NLRP1: variants seen among roughly 807,000 people sequenced by gnomAD.
NLRP1 encodes the protein NACHT, LRR and PYD domains-containing protein 1.
In NLRP1, 94 loss-of-function variants were observed where a neutral mutation model predicts 136.7. The ratio of observed to expected loss-of-function variants is 0.69; its 90% confidence interval spans 0.58 to 0.82. NLRP1 has a LOEUF of 0.82. NLRP1 is among the 40% of genes least tolerant of loss of function. The pLI, the probability that NLRP1 is intolerant of heterozygous loss-of-function variation, is 0.00. For missense variants in NLRP1, 1,575 were observed against 1,802.7 expected, an observed-to-expected ratio of 0.87 and a Z score of 2.29; for synonymous variants, 690 against 725.1, an observed-to-expected ratio of 0.95 and a Z score of 0.78.
chr17:5,512,490 C>T (rs1422196493), downstream of NLRP1: 2 of 680,166 alleles, frequency 2.9e-6, no homozygotes. Flanking sequence ...TTTTCTTTGC[C>T]CCTTGTCTTT....
intron 12 of NLRP1, among the ~76,000 whole-genome samples, chr17:5,529,285 C>CTTT (rs1909927576): frequency 2.7e-5 from 1 of 37,468 alleles, no homozygotes; most frequent in African/African-American, 3.0e-4. Context: ...TATTTTTTTC[C>CTTT]CTTCTATCTT....
chr17:5,545,069 A>T (rs953621708), intron 5 of NLRP1, among the ~76,000 whole-genome samples: 9 of 152,078 alleles, frequency 5.9e-5, no homozygotes, highest in African/African-American at 2.2e-4. Context: ...CTCTCATAAG[A>T]CCTACTTTTC....
downstream of NLRP1, among the ~76,000 whole-genome samples, chr17:5,511,530 A>C (rs1173998028): frequency 6.6e-6 from 1 of 151,172 alleles, no homozygotes; most frequent in Non-Finnish European, 1.5e-5. Context: ...CCTTTCTCCT[A>C]CTCCAAGACT....
chr17:5,552,084 CTTTTTTTTTT>C (rs71151872), intron 5 of NLRP1, among the ~76,000 whole-genome samples: 12 of 96,672 alleles, frequency 1.2e-4, no homozygotes, highest in East Asian at 4.2e-4. Flanking sequence ...TCTATCTTTC[CTTTTTTTTTT>C]TTTTTTTTTT....
At chr17:5,526,225 G>A (rs924781593) in intron 12 of NLRP1, among the ~76,000 whole-genome samples, 6 of 152,078 alleles carry the variant, frequency 3.9e-5, no homozygotes, top group South Asian at 2.1e-4. Flanking sequence ...TCATCCTCCC[G>A]TTTCTGCCTC....
At chr17:5,532,005 G>A (rs1470922677) in intron 11 of NLRP1, among the ~76,000 whole-genome samples, 6 of 152,226 alleles carry the variant, frequency 3.9e-5, no homozygotes, top group South Asian at 4.1e-4. Context: ...CACTTTGGGA[G>A]GCTGAGGAAG....
intron 5 of NLRP1, among the ~76,000 whole-genome samples, chr17:5,549,919 G>A (rs1045809958): frequency 1.3e-5 from 2 of 152,068 alleles, no homozygotes; most frequent in South Asian, 2.1e-4. Context: ...GGTGTTGAGG[G>A]TTTGTCAAAT....
chr17:5,530,199 T>G, intron 12 of NLRP1: 1 of 507,558 alleles, frequency 2.0e-6, no homozygotes, highest in Non-Finnish European at 3.7e-6. Context: ...TATCATCTCT[T>G]TCCTGCTGGG....
chr17:5,529,546 T>G (rs755367660), intron 12 of NLRP1, among the ~76,000 whole-genome samples: 2 of 152,114 alleles, frequency 1.3e-5, no homozygotes, highest in Admixed American at 6.5e-5. Flanking sequence ...TTTTGTATTT[T>G]TAGTAGAGAC....
At chr17:5,539,042 T>C (rs920875766) in intron 7 of NLRP1, among the ~76,000 whole-genome samples, 4 of 152,148 alleles carry the variant, frequency 2.6e-5, no homozygotes, top group Non-Finnish European at 4.4e-5. Context: ...AGCTAGTTTT[T>C]ATATTTTTAG....
chr17:5,532,824 G>A lies in NLRP1; in HGVS notation c.3294C>T (p.Tyr1098=). The stretch of plus-strand genomic sequence containing the variant: ...ACCAGCAGAGCCCCCTCACTCACCG[G>A]TACAAGTTCTTTTCTTTGTCAACTA... ...TEVVDKEKNL[Y]RVHFPVAGSY... Residue 1098 remains tyrosine (Y), a splice_region_variant and synonymous_variant, in exon 11 of 17, where the codon TAC becomes TAT. Transcript: ENST00000572272. The A allele has an allele frequency of 6.2e-7, 1 of 1,600,304 alleles. No homozygotes were observed. The highest frequency in any genetic ancestry group is 8.5e-7 in the Non-Finnish European group (1 of 1,174,460).
intron 12 of NLRP1, among the ~76,000 whole-genome samples, chr17:5,524,739 C>G (rs929592069): frequency 6.6e-6 from 1 of 152,178 alleles, no homozygotes; most frequent in Non-Finnish European, 1.5e-5. Context: ...GGACCAGATC[C>G]CAGGATTCTG....
chr17:5,514,576 C>T lies in NLRP1; in HGVS notation c.*178G>A, dbSNP rs1326590635. Reference sequence around the variant, plus strand: ...TGCTGTTAGGCCACCTGGACTGGGGCCCCCTGTGGCATCCCTGGCATGGAC... The same window carrying T: ...TGCTGTTAGGCCACCTGGACTGGGGTCCCCTGTGGCATCCCTGGCATGGAC... On this transcript the variant is annotated 3_prime_UTR_variant, in exon 17 of 17. Coordinates refer to ENST00000572272, the MANE Select transcript of NLRP1 (RefSeq NM_033004.4). The T allele has an allele frequency of 7.0e-7, 1 of 1,438,188 alleles. No individual in the cohort carries two copies. The highest frequency in any genetic ancestry group is 9.1e-7 in the Non-Finnish European group (1 of 1,099,882). 89.1% of individuals were successfully genotyped at this position (1,438,188 alleles called of 1,614,324 possible).
chr17:5,573,564 C>G (rs1022636400), intron 3 of NLRP1, among the ~76,000 whole-genome samples: 8 of 152,208 alleles, frequency 5.3e-5, no homozygotes, highest in Admixed American at 3.9e-4. Context: ...GGAAGCACCC[C>G]CAAGTAGGGG....
At chr17:5,535,092 C>T (rs970050546) in intron 8 of NLRP1, among the ~76,000 whole-genome samples, 5 of 152,092 alleles carry the variant, frequency 3.3e-5, no homozygotes, top group Admixed American at 6.5e-5. Flanking sequence ...TGGTGGCATG[C>T]ACCTGTAGTC....
Position 5,559,220 on chromosome 17 carries a change from T to C in NLRP1, c.1476A>G (p.Arg492=). Residue 492 remains arginine (R), a synonymous_variant, in exon 4 of 17, where the codon AGA becomes AGG. Coordinates refer to ENST00000572272, the MANE Select transcript of NLRP1 (RefSeq NM_033004.4). ...TTGCTTGCCTTTCATCTGTGAAATA[T>C]CTGTAGAAATATTCCTTCCTGCTGG... is the stretch of plus-strand genomic sequence containing the variant. ...SESSRKEYFY[R]YFTDERQAIR... is the part of the protein sequence containing the mutation. The C allele has an allele frequency of 3.1e-6, 5 of 1,614,176 alleles. No individual in the cohort carries two copies. The highest frequency in any genetic ancestry group is 4.2e-6 in the Non-Finnish European group (5 of 1,180,026).
chr17:5,511,913 C>T (rs9910401), downstream of NLRP1: 210 of 198,654 alleles, frequency 1.1e-3, no homozygotes, highest in Middle Eastern at 1.9e-3. Context: ...TGTTTTTGAC[C>T]ACACCCAGAT....
At chr17:5,530,799 C>T in intron 11 of NLRP1, 95 bp from the exon 12 acceptor site, 1 of 901,454 alleles carries the variant, frequency 1.1e-6, no homozygotes, top group South Asian at 1.5e-5. Context: ...GGATACGGTA[C>T]AGTGGCTTCA....
intron 3 of NLRP1, among the ~76,000 whole-genome samples, chr17:5,576,315 C>A (rs1393270719): frequency 6.6e-6 from 1 of 151,954 alleles, no homozygotes; most frequent in African/African-American, 2.4e-5. Context: ...AAAAACCTTT[C>A]AAAAAATCAA....
Sources: allele counts gnomAD v4.1 joint callset (sites outside exome capture counted in the v4.1 genomes callset), GRCh38; gene constraint gnomAD v4.1.1; transcripts MANE v1.5; gene names NCBI Gene and HGNC (gene_info 2026-07-23, HGNC 2026-07-21).